FARP1: variants seen among roughly 807,000 people sequenced by gnomAD.
The protein encoded by FARP1 is FERM, ARHGEF and pleckstrin domain-containing protein 1.
In FARP1, 52 loss-of-function variants were observed where a neutral mutation model predicts 128.8. That is an observed-to-expected ratio of 0.40 (90% confidence interval 0.32 to 0.51). FARP1 has a LOEUF of 0.51. FARP1 is among the 20% of genes least tolerant of loss of function. The pLI is 0.45. For synonymous variants in FARP1, 580 were observed against 551.8 expected (o/e 1.05, Z -0.72); for missense variants, 1,333 against 1,367.9 (o/e 0.97, Z 0.40).
chr13:98,276,662 A>G (rs1193320350), intron 2 of FARP1, among the ~76,000 whole-genome samples: 6 of 152,242 alleles, frequency 3.9e-5, no homozygotes, highest in Non-Finnish European at 7.3e-5. Context: ...TTGGTATTCA[A>G]AAGTTCCAAA....
chr13:98,201,544 G>C (rs1424695509), intron 1 of FARP1, among the ~76,000 whole-genome samples: 5 of 152,202 alleles, frequency 3.3e-5, no homozygotes, highest in Non-Finnish European at 7.3e-5. Context: ...GTTGAAAGGA[G>C]AGACATCATG....
rs139294649 is a variant in FARP1, at chr13:98,262,481, A to G, written c.171+49068A>G. On this transcript the variant is annotated intron_variant, in intron 2 of 26. Coordinates refer to ENST00000319562, the MANE Select transcript of FARP1 (RefSeq NM_005766.4). ...GGGTGAGGTGATCATGTGTTTTTCTATTGAAGATCATGGAAAGCTGAGGTC... is the reference window on the plus strand; with the variant it reads ...GGGTGAGGTGATCATGTGTTTTTCTGTTGAAGATCATGGAAAGCTGAGGTC... Among the ~76,000 whole-genome samples the G allele has an allele frequency of 9.1e-3, 1,388 of 152,134 alleles. 42 individuals are homozygous for G. Among genetic ancestry groups the G allele is most frequent in the South Asian group, 0.012 (56 of 4,810 alleles).
In FARP1 at chr13:98,448,322, C is replaced by A. The variant is rs201631657; in HGVS notation, c.*5C>A. 379 of 1,605,452 alleles carry A rather than the reference C, an allele frequency of 2.4e-4. 1 individual carries two copies. The Middle Eastern group carries it at 3.5e-3, about 15-fold the overall frequency. On this transcript the variant is annotated 3_prime_UTR_variant, in exon 27 of 27. Coordinates refer to ENST00000319562, the MANE Select transcript of FARP1 (RefSeq NM_005766.4). ...AAAGAGTCTCTTGTGTATTGATGGC[C>A]GGACACACTCGTTTCCGCAGTGGCT...
At chr13:98,312,227 A>G (rs1181365423) in intron 2 of FARP1, among the ~76,000 whole-genome samples, 14 of 120,068 alleles carry the variant, frequency 1.2e-4, no homozygotes, top group East Asian at 5.1e-4. Context: ...TGCAAGCTCC[A>G]CCTCCCGGGT....
At position 98,448,405 on chromosome 13, in the gene FARP1, C is replaced by CCTGT. The variant is rs970259837; in HGVS notation, c.*92_*95dup. ...TTAATGAAGCCTGGTAAAATTAACA[C>CCTGT]CTGTCTGAAAATCAAAAACATGGCT... is the stretch of plus-strand genomic sequence containing the variant. On this transcript the variant is annotated 3_prime_UTR_variant, in exon 27 of 27. Coordinates refer to ENST00000319562, the MANE Select transcript of FARP1 (RefSeq NM_005766.4). 1.0e-5 allele frequency: 11 copies of CCTGT among 1,088,368 alleles called. No individual in the cohort carries two copies. The East Asian group carries it at 2.2e-4, about 21-fold the overall frequency. 67.4% of individuals were successfully genotyped at this position (1,088,368 alleles called of 1,614,324 possible). A position where few individuals can be genotyped will look rare whatever the true frequency, so the allele number is the denominator to read the frequency against.
chr13:98,278,756 C>T (rs963837279), intron 2 of FARP1, among the ~76,000 whole-genome samples: 7 of 152,108 alleles, frequency 4.6e-5, no homozygotes, highest in African/African-American at 1.7e-4. Flanking sequence ...TAATTATGAA[C>T]ACTTATGAAG....
intron 2 of FARP1, among the ~76,000 whole-genome samples, chr13:98,257,591 T>C (rs1017416151): frequency 2.0e-5 from 3 of 152,016 alleles, no homozygotes; most frequent in African/African-American, 7.3e-5. Flanking sequence ...ACCAACATGG[T>C]GAAACCTGTC....
Position 98,409,444 on chromosome 13 carries a change from G to A in FARP1, c.1521G>A (p.Lys507=), listed in dbSNP as rs1891106489. 6.2e-7 allele frequency: 1 copy of A among 1,614,040 alleles called. No individual in the cohort carries two copies. Among genetic ancestry groups the A allele is most frequent in the Non-Finnish European group, 8.5e-7 (1 of 1,180,020 alleles). Residue 507 remains lysine, a synonymous_variant, in exon 14 of 27, where the codon AAG becomes AAA. Coordinates refer to ENST00000319562, the MANE Select transcript of FARP1 (RefSeq NM_005766.4). ...TLSPNLSPDT[K]QASPLISPLL... ...CTCCCAACCTGAGCCCCGACACCAA[G>A]CAGGCCTCTCCCTTGATCAGCCCGC... is the stretch of plus-strand genomic sequence containing the variant.
intron 2 of FARP1, among the ~76,000 whole-genome samples, chr13:98,220,062 T>C (rs1881325958): frequency 6.6e-6 from 1 of 151,886 alleles, no homozygotes; most frequent in African/African-American, 2.4e-5. Flanking sequence ...TTTTTCTTTT[T>C]CTCCCCGCAA....
chr13:98,409,766 C>A (rs1046199618), intron 14 of FARP1, among the ~76,000 whole-genome samples: 2 of 152,220 alleles, frequency 1.3e-5, no homozygotes, highest in Non-Finnish European at 2.9e-5. Context: ...CTCCTTCCCC[C>A]TCCTGCCAGC....
At chr13:98,446,550 C>A in intron 25 of FARP1, 116 bp from the exon 26 acceptor site, 2 of 1,081,896 alleles carry the variant, frequency 1.8e-6, no homozygotes, top group Non-Finnish European at 2.7e-6. Context: ...TCCAGGCCCA[C>A]GCCCGAGGAG....
chr13:98,350,156 G>T (rs572410556), intron 3 of FARP1, among the ~76,000 whole-genome samples: 1 of 152,150 alleles, frequency 6.6e-6, no homozygotes, highest in Non-Finnish European at 1.5e-5. Context: ...AATGGTGACT[G>T]TGTTGACAGG....
At position 98,207,907 on chromosome 13, in the gene FARP1, TCCACAC is replaced by T. The variant is rs1323779717; in HGVS notation, c.-23-5312_-23-5307del. ...AATATACTGCTCCCCGACCACCACC[TCCACAC>T]ACACACACACACACACACACACACA... On this transcript the variant is annotated intron_variant, in intron 1 of 26. Coordinates refer to ENST00000319562, the MANE Select transcript of FARP1 (RefSeq NM_005766.4). Among the ~76,000 whole-genome samples the T allele has an allele frequency of 1.9e-3, 64 of 33,164 alleles. 1 individual carries two copies. Among genetic ancestry groups the T allele is most frequent in the African/African-American group, 7.7e-3 (64 of 8,342 alleles). 21.8% of individuals were successfully genotyped at this position (33,164 alleles called of 152,430 possible).
chr13:98,268,265 G>A (rs1253682796), intron 2 of FARP1, among the ~76,000 whole-genome samples: 9 of 152,198 alleles, frequency 5.9e-5, no homozygotes, highest in Non-Finnish European at 1.3e-4. Flanking sequence ...TCAAGACCAA[G>A]TGGACCACAA....
At chr13:98,263,865 C>A (rs370373167) in intron 2 of FARP1, among the ~76,000 whole-genome samples, 17 of 152,318 alleles carry the variant, frequency 1.1e-4, no homozygotes, top group East Asian at 1.9e-4. Flanking sequence ...TGCTCCCCCC[C>A]CAACAACATT....
chr13:98,204,128 CT>C (rs374872181), intron 1 of FARP1: 3 of 152,362 alleles, frequency 2.0e-5, no homozygotes, highest in African/African-American at 7.2e-5. Context: ...GCAATCACCC[CT>C]AGCCCAATGA....
At chr13:98,166,297 AG>A (rs2139147115) in intron 1 of FARP1, among the ~76,000 whole-genome samples, 1 of 152,340 alleles carries the variant, frequency 6.6e-6, no homozygotes, top group African/African-American at 2.4e-5. Flanking sequence ...AAATCCTAGT[AG>A]GATCAGTGGT....
At chr13:98,264,766 T>G (rs1884023773) in intron 2 of FARP1, among the ~76,000 whole-genome samples, 1 of 152,228 alleles carries the variant, frequency 6.6e-6, no homozygotes, top group South Asian at 2.1e-4. Flanking sequence ...GTAGGAATTT[T>G]TATTCTATAG....
intron 24 of FARP1, among the ~76,000 whole-genome samples, chr13:98,444,758 A>G (rs891007656): frequency 3.3e-5 from 5 of 152,118 alleles, no homozygotes; most frequent in African/African-American, 1.2e-4. Flanking sequence ...ACATGTATGA[A>G]CCCCACTGTG....
Sources: allele counts gnomAD v4.1 joint callset (sites outside exome capture counted in the v4.1 genomes callset), GRCh38; gene constraint gnomAD v4.1.1; transcripts MANE v1.5; gene names NCBI Gene and HGNC (gene_info 2026-07-23, HGNC 2026-07-21).